The following PXDNL variants were observed in gnomAD, a reference collection of about 807,000 sequenced individuals.
The protein encoded by PXDNL is peroxidasin like, also known as probable oxidoreductase PXDNL.
In PXDNL, 145 loss-of-function variants were observed where a neutral mutation model predicts 150.8. The observed-to-expected ratio is 0.96, with a 90% CI of 0.84 to 1.10. PXDNL has a LOEUF of 1.10. Among genes scored for constraint, PXDNL ranks in the 50% least tolerant of loss-of-function variants. The pLI is 0.00. For synonymous variants in PXDNL, 757 were observed against 725.7 expected, an observed-to-expected ratio of 1.04 and a Z score of -0.69; for missense variants, 2,087 against 1,873.9, an observed-to-expected ratio of 1.11 and a Z score of -2.10.
At chr8:51,534,094 G>A (rs879199768) in intron 4 of PXDNL, among the ~76,000 whole-genome samples, 13 of 144,150 alleles carry the variant, frequency 9.0e-5, no homozygotes, top group African/African-American at 2.8e-4. Flanking sequence ...GTCTCTGCCC[G>A]GCCGCCCATG....
intron 1 of PXDNL, among the ~76,000 whole-genome samples, chr8:51,771,974 A>G (rs960441812): frequency 2.6e-5 from 4 of 152,008 alleles, no homozygotes; most frequent in East Asian, 2.0e-4. Context: ...ATCCAGCCAG[A>G]AAAGAGAGAG....
rs1210869679 is a variant in PXDNL at position 51,801,270 on chromosome 8, C to T, written c.164+7911G>A. On this transcript the variant is annotated intron_variant, in intron 1 of 22. Coordinates refer to ENST00000356297, the MANE Select transcript of PXDNL (RefSeq NM_144651.5). ...GCTTATTAGGGTGGGGAAAAGATCCCGCCCTGGTAAATTTGAGGTCAGACC... is the reference window on the plus strand; with the variant it reads ...GCTTATTAGGGTGGGGAAAAGATCCTGCCCTGGTAAATTTGAGGTCAGACC... Among the ~76,000 whole-genome samples, 3 of 152,066 alleles carry T rather than the reference C, an allele frequency of 2.0e-5. No individual in the cohort carries two copies. In the South Asian group the frequency reaches 6.2e-4, roughly 32 times the overall value.
chr8:51,529,138 A>G (rs1360582680), intron 4 of PXDNL, among the ~76,000 whole-genome samples: 2 of 152,200 alleles, frequency 1.3e-5, no homozygotes, highest in Non-Finnish European at 2.9e-5. Flanking sequence ...CGTCAATCAC[A>G]TCCCAGTTGT....
At chr8:51,487,230 G>A (rs1220586485) in intron 5 of PXDNL, among the ~76,000 whole-genome samples, 1 of 152,032 alleles carries the variant, frequency 6.6e-6, no homozygotes, top group East Asian at 1.9e-4. Context: ...TCCTGTGACA[G>A]AAACATGCAT....
At chr8:51,608,400 AAAAG>A (rs1554557627) in intron 2 of PXDNL, among the ~76,000 whole-genome samples, 10 of 143,332 alleles carry the variant, frequency 7.0e-5, no homozygotes, top group Non-Finnish European at 1.2e-4. Context: ...AAAAAAAAAA[AAAAG>A]AAAGAAAGGA....
chr8:51,749,173 A>G (rs2037016497), intron 1 of PXDNL, among the ~76,000 whole-genome samples: 1 of 152,266 alleles, frequency 6.6e-6, no homozygotes, highest in African/African-American at 2.4e-5. Context: ...AATTACTTCA[A>G]GGAATGTCTG....
intron 19 of PXDNL, among the ~76,000 whole-genome samples, chr8:51,350,060 T>C (rs1156898700): frequency 6.6e-6 from 1 of 152,078 alleles, no homozygotes. Context: ...CTTTATCTCT[T>C]ACCGAGAAAA....
At chr8:51,506,269 A>G (rs969794441) in intron 4 of PXDNL, among the ~76,000 whole-genome samples, 2 of 152,216 alleles carry the variant, frequency 1.3e-5, no homozygotes, top group Non-Finnish European at 2.9e-5. Context: ...AAGGCTGGGC[A>G]CAGTGGCTCA....
intron 2 of PXDNL, among the ~76,000 whole-genome samples, chr8:51,642,027 T>TA (rs533399423): frequency 0.28 from 42,294 of 151,588 alleles, 6,945 homozygotes; most frequent in African/African-American, 0.45. Flanking sequence ...TATACAGCCA[T>TA]AAAAAAGGAT....
chr8:51,781,679 G>GT (rs1413884802), intron 1 of PXDNL, among the ~76,000 whole-genome samples: 1 of 152,132 alleles, frequency 6.6e-6, no homozygotes, highest in Admixed American at 6.5e-5. Flanking sequence ...ACAGGAAAAG[G>GT]CCAAGGAAAA....
chr8:51,742,212 G>T (rs1043496003), intron 1 of PXDNL, among the ~76,000 whole-genome samples: 1 of 152,168 alleles, frequency 6.6e-6, no homozygotes, highest in Non-Finnish European at 1.5e-5. Context: ...GACAAGAAGA[G>T]ATTAGTGGTT....
intron 19 of PXDNL, among the ~76,000 whole-genome samples, chr8:51,364,581 GAA>G: frequency 6.6e-6 from 1 of 152,264 alleles, no homozygotes; most frequent in South Asian, 2.1e-4. Context: ...TTTATTTTGT[GAA>G]AGATATTGAA....
chr8:51,787,504 GA>G (rs2129253307), intron 1 of PXDNL, among the ~76,000 whole-genome samples: 1 of 152,348 alleles, frequency 6.6e-6, no homozygotes, highest in Non-Finnish European at 1.5e-5. Flanking sequence ...GACTTCAGTG[GA>G]GGAAGTAACT....
intron 22 of PXDNL, 36 bp downstream of exon 22, chr8:51,320,748 A>AC: frequency 6.8e-7 from 1 of 1,473,266 alleles, no homozygotes. Flanking sequence ...CTAGAAGTGA[A>AC]ATGGGGAGTT....
chr8:51,369,496 G>T (rs28483066), intron 19 of PXDNL, among the ~76,000 whole-genome samples: 25 of 152,130 alleles, frequency 1.6e-4, no homozygotes, highest in Admixed American at 5.9e-4. Context: ...AAAAATCCAC[G>T]CTTGTTAGTC....
chr8:51,604,507 A>T (rs1813799272), intron 2 of PXDNL, among the ~76,000 whole-genome samples: 1 of 152,114 alleles, frequency 6.6e-6, no homozygotes, highest in Non-Finnish European at 1.5e-5. Flanking sequence ...TGTGGGGTGG[A>T]GGGAGTGGGG....
At chr8:51,626,261 A>C (rs1189592736) in intron 2 of PXDNL, among the ~76,000 whole-genome samples, 3 of 152,208 alleles carry the variant, frequency 2.0e-5, no homozygotes, top group Admixed American at 2.0e-4. Context: ...CTACTCATCT[A>C]TACAACTACA....
At chr8:51,446,339 A>G (rs1230504236) in intron 12 of PXDNL, among the ~76,000 whole-genome samples, 2 of 152,226 alleles carry the variant, frequency 1.3e-5, no homozygotes, top group African/African-American at 4.8e-5. Context: ...AGTGCTGAAA[A>G]CGCAGTTTAG....
chr8:51,375,189 G>A (rs760038468), intron 17 of PXDNL, among the ~76,000 whole-genome samples: 2 of 150,698 alleles, frequency 1.3e-5, no homozygotes, highest in Non-Finnish European at 2.9e-5. Flanking sequence ...CATAATTTGC[G>A]GAGATGATAA....
Sources: gnomAD v4.1 joint callset for allele counts (sites outside exome capture counted in the v4.1 genomes callset) on GRCh38, gnomAD v4.1.1 for gene constraint, MANE v1.5 for transcripts, NCBI Gene and HGNC (gene_info 2026-07-23, HGNC 2026-07-21) for gene names.